The following ZSCAN32 variants were observed in gnomAD, a reference collection of about 807,000 sequenced individuals.
ZSCAN32 encodes the protein zinc finger and SCAN domain containing 32.
Under a neutral mutation model 47.4 loss-of-function variants are expected in ZSCAN32, and 52 were observed. The ratio of observed to expected loss-of-function variants is 1.10; its 90% confidence interval spans 0.88 to 1.38. The LOEUF (loss-of-function observed/expected upper bound fraction) is 1.38, where lower values mean the gene tolerates loss of function less well. Ranked by LOEUF, ZSCAN32 falls within the 40% of genes most tolerant of loss-of-function variation. The probability of loss-of-function intolerance (pLI) is 0.00; values close to 1 mark genes in which losing one functional copy is unlikely to be tolerated. For synonymous variants in ZSCAN32, 346 were observed against 305.7 expected (o/e 1.13, Z -1.38); for missense variants, 959 against 846.0 (o/e 1.13, Z -1.66).
chr16:3,400,658 G>C (rs2150917899), intron 1 of ZSCAN32, among the ~76,000 whole-genome samples: 1 of 152,366 alleles, frequency 6.6e-6, no homozygotes, highest in East Asian at 1.9e-4. Context: ...AGGCACTGTG[G>C]ATGAGTAGGG....
At chr16:3,396,991 T>C (rs894020777) in intron 2 of ZSCAN32, among the ~76,000 whole-genome samples, 5 of 152,210 alleles carry the variant, frequency 3.3e-5, no homozygotes, top group African/African-American at 1.2e-4. Context: ...TATTATTAAA[T>C]ATATGAATGT....
In ZSCAN32 at chr16:3,397,233, C is replaced by T. The variant is rs1596236508; in HGVS notation, c.325G>A (p.Val109Met). 1 of 1,558,498 alleles carries T rather than the reference C, an allele frequency of 6.4e-7. No individual in the cohort carries two copies. Among genetic ancestry groups the T allele is most frequent in the Non-Finnish European group, 8.7e-7 (1 of 1,151,342 alleles). Residue 109 changes from valine (V) to methionine (M), a missense_variant, in exon 2 of 7, where the codon GTG (valine) becomes ATG (methionine). By Grantham distance (21) the Val-to-Met change is conservative (BLOSUM62 1). Transcript: ENST00000396852. ...CTCTGTACATCCTCAACCAGAGCCA[C>T]AGCTTCCTCGCCGTTTTCTGGATGC... ...EQHPENGEEA[V>M]ALVEDVQRAP...
Position 3,382,869 on chromosome 16 carries a change from C to G in ZSCAN32, c.2077G>C (p.Gly693Arg). 6.4e-7 allele frequency: 1 copy of G among 1,568,654 alleles called. No homozygotes were observed. The highest frequency in any genetic ancestry group is 8.7e-7 in the Non-Finnish European group (1 of 1,155,422). ...HMKAVLSSQEGRDAL is the reference protein window; with the variant it reads ...HMKAVLSSQERRDAL ...CGACACACTCATAACGCATCTCTTC[C>G]TTCCTGTGATGAGAGTACTGCTTTC... The change falls in exon 7 of 7, where the codon GGA (glycine) becomes CGA (arginine). Residue 693 changes from glycine to arginine, a missense_variant. Gly to Arg is a moderately radical substitution (Grantham distance 125). Coordinates refer to ENST00000396852, the MANE Select transcript of ZSCAN32 (RefSeq NM_001284527.2).
Position 3,397,532 on chromosome 16 carries a change from T to C in ZSCAN32, c.26A>G (p.Glu9Gly). 6.5e-7 allele frequency: 1 copy of C among 1,545,988 alleles called. No homozygotes were observed. The highest frequency in any genetic ancestry group is 1.4e-5 in the African/African-American group (1 of 73,042). ...ATCCTTGTTTGAGGATGGGTGTGCC[T>C]CGGTACTCTTCACTGCAGCCATCAT... MMAAVKST[E>G]AHPSSNKDPT... is the part of the protein sequence containing the mutation. The change falls in exon 2 of 7, where the codon GAG (glutamate) becomes GGG (glycine). Residue 9 changes from glutamate to glycine, a missense_variant. Glu to Gly is a moderately conservative substitution (Grantham distance 98, BLOSUM62 -2). Transcript: ENST00000396852.
rs768896781 is a variant in ZSCAN32, at chr16:3,384,898, C to G, written c.795G>C (p.Leu265=). 1.2e-6 allele frequency: 2 copies of G among 1,614,088 alleles called. No homozygotes were observed. The highest frequency in any genetic ancestry group is 2.2e-5 in the South Asian group (2 of 91,082). The part of the protein sequence containing the change: ...PWGYEETKTL[L]AILSSSQFYG... ...AAAATTGAGAACTACTAAGAATAGC[C>G]AGGAGCGTCTTGGTCTCTTCATAGC... Residue 265 remains leucine (L), a synonymous_variant, in exon 6 of 7, where the codon CTG becomes CTC. Coordinates refer to ENST00000396852, the MANE Select transcript of ZSCAN32 (RefSeq NM_001284527.2).
At chr16:3,392,593 C>T (rs930177921) in intron 3 of ZSCAN32, among the ~76,000 whole-genome samples, 2 of 151,938 alleles carry the variant, frequency 1.3e-5, no homozygotes, top group South Asian at 4.2e-4. Context: ...TTTGGGAGGC[C>T]GAGGCAGGTG....
At position 3,396,925 on chromosome 16, in the gene ZSCAN32, C is replaced by A. The variant is rs151237983; in HGVS notation, c.366+267G>T. Among the ~76,000 whole-genome samples the A allele has an allele frequency of 3.8e-3, 586 of 152,290 alleles. 3 individuals carry two copies. The highest frequency in any genetic ancestry group is 0.013 in the African/African-American group (547 of 41,560). On this transcript the variant is annotated intron_variant, in intron 2 of 6. Transcript: ENST00000396852. ...TGAAGGAGAGTTGTCCTTTCCCTGG[C>A]CTTGTTTTCGAGAATTTTTCTGAGT...
rs1440802642 is a variant in ZSCAN32 at position 3,382,921 on chromosome 16, G to A, written c.2025C>T (p.Ala675=). The change falls in exon 7 of 7, where the codon GCC becomes GCT. Residue 675 remains alanine (A), a synonymous_variant. Coordinates refer to ENST00000396852, the MANE Select transcript of ZSCAN32 (RefSeq NM_001284527.2). ...HCERGFTKNS[A]LTRHQTVHMK... is the part of the protein sequence containing the mutation. ...TGTGTACTGTCTGATGACGGGTGAGGGCAGAGTTCTTAGTGAAGCCTCTCT... is the reference window on the plus strand; with the variant it reads ...TGTGTACTGTCTGATGACGGGTGAGAGCAGAGTTCTTAGTGAAGCCTCTCT... 2 of 1,612,270 alleles carry A rather than the reference G, an allele frequency of 1.2e-6. No individual in the cohort carries two copies. The highest frequency in any genetic ancestry group is 2.7e-5 in the African/African-American group (2 of 74,950).
At chr16:3,390,364 G>T in intron 4 of ZSCAN32, 59 bp downstream of exon 4, 1 of 1,459,136 alleles carries the variant, frequency 6.9e-7, no homozygotes, top group Non-Finnish European at 9.3e-7. Flanking sequence ...CTGGAAAGGA[G>T]GAGGGTTTTG....
At position 3,393,794 on chromosome 16, in the gene ZSCAN32, G is replaced by A; in HGVS notation, c.387C>T (p.Asp129=). 1 of 1,549,414 alleles carries A rather than the reference G, an allele frequency of 6.5e-7. No homozygotes were observed. The highest frequency in any genetic ancestry group is 1.4e-5 in the African/African-American group (1 of 73,098). ...CCATCTCCTTCATGAGTACTTTCAA[G>A]TCCTTCTCAGAATCTAGAACCTGAG... ...PGQQVLDSEK[D]LKVLMKEMAP... Residue 129 remains aspartate (D), a synonymous_variant, in exon 3 of 7, where the codon GAC becomes GAT. Coordinates refer to ENST00000396852, the MANE Select transcript of ZSCAN32 (RefSeq NM_001284527.2).
rs146754503 is a variant in ZSCAN32 at position 3,397,269 on chromosome 16, C to T, written c.289G>A (p.Val97Met). 2.0e-4 allele frequency: 308 copies of T among 1,570,042 alleles called. 2 individuals carry two copies. The African/African-American group carries it at 3.5e-3, about 18-fold the overall frequency. Reference protein sequence around the residue: ...TILPEEIQTWVREQHPENGEE... With the variant: ...TILPEEIQTWMREQHPENGEE... ...CCGTTTTCTGGATGCTGCTCCCTCA[C>T]CCAGGTCTGGATCTCCTCTGGCAAG... The change falls in exon 2 of 7, where the codon GTG becomes ATG. Residue 97 changes from valine to methionine, a missense_variant. Transcript: ENST00000396852.
At chr16:3,385,413 T>G (rs903255824) in intron 5 of ZSCAN32, among the ~76,000 whole-genome samples, 1 of 152,132 alleles carries the variant, frequency 6.6e-6, no homozygotes, top group Non-Finnish European at 1.5e-5. Flanking sequence ...AAGCTACCAA[T>G]GACTTTCTTC....
chr16:3,393,245 A>ATT, intron 3 of ZSCAN32, among the ~76,000 whole-genome samples: 1 of 16,862 alleles, frequency 5.9e-5, no homozygotes, highest in Non-Finnish European at 9.7e-5. Context: ...TATATTTTAT[A>ATT]TATATATATA....
At chr16:3,395,966 C>G (rs1423329283) in intron 2 of ZSCAN32, among the ~76,000 whole-genome samples, 2 of 152,130 alleles carry the variant, frequency 1.3e-5, no homozygotes, top group East Asian at 3.8e-4. Context: ...CCACTGCACT[C>G]CAACCTAAGT....
At chr16:3,388,244 C>T (rs1213076013) in intron 5 of ZSCAN32, among the ~76,000 whole-genome samples, 1 of 152,242 alleles carries the variant, frequency 6.6e-6, no homozygotes, top group Non-Finnish European at 1.5e-5. Flanking sequence ...TGCCAGTGAA[C>T]TGGCATGCCC....
rs564766318 is a variant in ZSCAN32, at chr16:3,389,907, A to G, written c.751+103T>C. On this transcript the variant is annotated intron_variant, in intron 5 of 6. Coordinates refer to ENST00000396852, the MANE Select transcript of ZSCAN32 (RefSeq NM_001284527.2). ...TTACTTCCTCCTTTCCCTCCACCCA[A>G]CAGTCTCCCCACTCCCTCTGTCTCC... 1.2e-4 allele frequency: 152 copies of G among 1,221,400 alleles called. No individual in the cohort carries two copies. The African/African-American group carries it at 2.1e-3, about 17-fold the overall frequency. 75.7% of individuals were successfully genotyped at this position (1,221,400 alleles called of 1,614,324 possible). A position where few individuals can be genotyped will look rare whatever the true frequency, so the allele number is the denominator to read the frequency against.
At chr16:3,393,536 G>A (rs2033067158) in intron 3 of ZSCAN32, 113 bp downstream of exon 3, 2 of 1,080,752 alleles carry the variant, frequency 1.9e-6, no homozygotes, top group East Asian at 5.6e-5. Flanking sequence ...GTTTTTGGAT[G>A]TATTTCAAAG....
chr16:3,397,483 G>C lies in ZSCAN32; in HGVS notation c.75C>G (p.Ala25=). ...NKDPTQGQKS[A]LQGNSPDSEA... ...CGGAGTCAGGGCTGTTACCCTGGAG[G>C]GCTGATTTCTGGCCCTGTGTGGGAT... is the stretch of plus-strand genomic sequence containing the variant. The change falls in exon 2 of 7, where the codon GCC becomes GCG. Residue 25 remains alanine (A), a synonymous_variant. Coordinates refer to ENST00000396852, the MANE Select transcript of ZSCAN32 (RefSeq NM_001284527.2). 1 of 1,550,598 alleles carries C rather than the reference G, an allele frequency of 6.4e-7. No individual in the cohort carries two copies. The highest frequency in any genetic ancestry group is 1.4e-5 in the African/African-American group (1 of 73,166).
In ZSCAN32 at chr16:3,383,207, CCA is replaced by C; in HGVS notation, c.1737_1738del (p.Cys579TrpfsTer66). Reference sequence around the variant, plus strand: ...CTGGTTGAAGCTTTTCCCACATTGCCCACACTGATAGGGCCTCTCCCCTGTGT... The same window carrying C: ...CTGGTTGAAGCTTTTCCCACATTGCCCACTGATAGGGCCTCTCCCCTGTGT... On this transcript the variant is annotated frameshift_variant, in exon 7 of 7. Coordinates refer to ENST00000396852, the MANE Select transcript of ZSCAN32 (RefSeq NM_001284527.2). LOFTEE classifies it low-confidence loss of function (END_TRUNC). 1.2e-6 allele frequency: 2 copies of C among 1,614,056 alleles called. No individual in the cohort carries two copies.
Sources: allele counts gnomAD v4.1 joint callset (sites outside exome capture counted in the v4.1 genomes callset), GRCh38; gene constraint gnomAD v4.1.1; transcripts MANE v1.5; gene names NCBI Gene and HGNC (gene_info 2026-07-23, HGNC 2026-07-21).